The following CASR variants were observed in gnomAD, a reference collection of about 807,000 sequenced individuals.
CASR encodes the protein extracellular calcium-sensing receptor.
CASR carries 23 observed loss-of-function variants against 69.1 expected under a neutral mutation model. That is an observed-to-expected ratio of 0.33 (90% CI 0.24 to 0.47). The LOEUF is 0.47. CASR is among the 20% of genes least tolerant of loss of function. The pLI, the probability that CASR is intolerant of heterozygous loss-of-function variation, is 1.00. For synonymous variants in CASR, 541 were observed against 544.7 expected (o/e 0.99, Z 0.10); for missense variants, 924 against 1,356.1 (o/e 0.68, Z 5.00).
intron 4 of CASR, among the ~76,000 whole-genome samples, chr3:122,274,309 A>G (rs1046208020): frequency 2.6e-5 from 4 of 152,242 alleles, no homozygotes; most frequent in African/African-American, 4.8e-5. Context: ...TCTGCCCCCA[A>G]GCATGTCTTG....
At chr3:122,220,544 A>T (rs2074160136) in intron 1 of CASR, among the ~76,000 whole-genome samples, 1 of 152,266 alleles carries the variant, frequency 6.6e-6, no homozygotes. Flanking sequence ...CCAAGGATTT[A>T]CAGCTTTTTG....
At chr3:122,270,138 G>A (rs2074742648) in intron 4 of CASR, among the ~76,000 whole-genome samples, 1 of 152,090 alleles carries the variant, frequency 6.6e-6, no homozygotes. Context: ...CACTGTCCAT[G>A]GCCTGTGGGA....
intron 1 of CASR, among the ~76,000 whole-genome samples, chr3:122,237,620 G>C (rs550508139): frequency 2.6e-5 from 4 of 152,116 alleles, no homozygotes; most frequent in Admixed American, 1.3e-4. Flanking sequence ...TTATTAATAC[G>C]ATATTAAGTG....
At chr3:122,196,275 C>G (rs982532193) in intron 1 of CASR, among the ~76,000 whole-genome samples, 7 of 151,794 alleles carry the variant, frequency 4.6e-5, no homozygotes, top group African/African-American at 1.7e-4. Context: ...TGGTAAATAA[C>G]ATACCATAGG....
chr3:122,225,823 A>G (rs1576833292), intron 1 of CASR, among the ~76,000 whole-genome samples: 1 of 152,326 alleles, frequency 6.6e-6, no homozygotes, highest in South Asian at 2.1e-4. Flanking sequence ...GGAGTCAACC[A>G]AGATGCCCAT....
intron 4 of CASR, among the ~76,000 whole-genome samples, chr3:122,265,647 A>G (rs1487221587): frequency 2.6e-5 from 4 of 152,210 alleles, no homozygotes; most frequent in African/African-American, 9.6e-5. Flanking sequence ...TCTTGAATCA[A>G]TCACTGTGGC....
At position 122,284,666 on chromosome 3, in the gene CASR, C is replaced by T. The variant is rs1027208202; in HGVS notation, c.2712C>T (p.Gly904=). The change falls in exon 7 of 7, where the codon GGC becomes GGT. Residue 904 remains glycine, a synonymous_variant. Transcript: ENST00000639785. ...VSRKRSSSLG[G]STGSTPSSSI... ...GCAAGCGGTCCAGCAGCCTTGGAGG[C>T]TCCACGGGATCCACCCCCTCCTCCT... The T allele has an allele frequency of 4.3e-6, 7 of 1,613,638 alleles. No homozygotes were observed. Among genetic ancestry groups the T allele is most frequent in the African/African-American group, 2.7e-5 (2 of 75,070 alleles).
intron 1 of CASR, among the ~76,000 whole-genome samples, chr3:122,241,373 A>C (rs2074378073): frequency 6.6e-6 from 1 of 152,150 alleles, no homozygotes; most frequent in Non-Finnish European, 1.5e-5. Flanking sequence ...ACAGAAATTC[A>C]AAGGAACATT....
chr3:122,273,741 C>T (rs2074785015), intron 4 of CASR, among the ~76,000 whole-genome samples: 1 of 152,078 alleles, frequency 6.6e-6, no homozygotes, highest in African/African-American at 2.4e-5. Context: ...GTCAGAAAGG[C>T]CCCCAAACTG....
intron 1 of CASR, chr3:122,184,619 C>CCGAA (rs1230862719): frequency 2.6e-5 from 4 of 152,480 alleles, no homozygotes; most frequent in Admixed American, 2.6e-4. Flanking sequence ...GGGCTCCGGG[C>CCGAA]CGAACGAGGG....
intron 1 of CASR, among the ~76,000 whole-genome samples, chr3:122,227,270 C>T (rs1275528684): frequency 6.6e-6 from 1 of 152,068 alleles, no homozygotes; most frequent in Non-Finnish European, 1.5e-5. Flanking sequence ...GGGGGTGGTG[C>T]TCATCAGGGA....
chr3:122,230,967 G>C (rs985662723), intron 1 of CASR, among the ~76,000 whole-genome samples: 2 of 152,156 alleles, frequency 1.3e-5, no homozygotes, highest in African/African-American at 4.8e-5. Flanking sequence ...AGGGATTTGT[G>C]CATTTGACAC....
chr3:122,189,464 G>C (rs1250701368), intron 1 of CASR, among the ~76,000 whole-genome samples: 1 of 152,126 alleles, frequency 6.6e-6, no homozygotes, highest in Non-Finnish European at 1.5e-5. Flanking sequence ...GAATTAATTT[G>C]TTTTAATGTG....
At chr3:122,230,438 G>C (rs1365825317) in intron 1 of CASR, among the ~76,000 whole-genome samples, 2 of 152,232 alleles carry the variant, frequency 1.3e-5, no homozygotes, top group African/African-American at 4.8e-5. Flanking sequence ...GCGGGCGTGA[G>C]AGGGACGCAG....
chr3:122,235,347 A>AT (rs1432958719), intron 1 of CASR, among the ~76,000 whole-genome samples: 1 of 152,154 alleles, frequency 6.6e-6, no homozygotes, highest in African/African-American at 2.4e-5. Flanking sequence ...GTTAGTGGCC[A>AT]TTTTCTCTAG....
chr3:122,210,128 A>G (rs1486467349), intron 1 of CASR, among the ~76,000 whole-genome samples: 1 of 152,214 alleles, frequency 6.6e-6, no homozygotes, highest in African/African-American at 2.4e-5. Context: ...CACAGCCAAT[A>G]TCATACTGAA....
chr3:122,211,776 G>C (rs888792232), intron 1 of CASR, among the ~76,000 whole-genome samples: 6 of 133,190 alleles, frequency 4.5e-5, no homozygotes, highest in African/African-American at 1.7e-4. Flanking sequence ...CTTCTCAAAA[G>C]AAAACATTTA....
intron 1 of CASR, among the ~76,000 whole-genome samples, chr3:122,217,361 A>T (rs1437589786): frequency 6.6e-6 from 1 of 152,012 alleles, no homozygotes; most frequent in East Asian, 1.9e-4. Context: ...TCGGCCTCCC[A>T]CGGTGCTGGG....
chr3:122,207,657 G>A (rs1252506097), intron 1 of CASR, among the ~76,000 whole-genome samples: 1 of 151,852 alleles, frequency 6.6e-6, no homozygotes, highest in African/African-American at 2.4e-5. Context: ...AAAATCTATG[G>A]GATACAACAA....
Sources: gnomAD v4.1 joint callset for allele counts (sites outside exome capture counted in the v4.1 genomes callset) on GRCh38, gnomAD v4.1.1 for gene constraint, MANE v1.5 for transcripts, NCBI Gene and HGNC (gene_info 2026-07-23, HGNC 2026-07-21) for gene names.